The following CSMD1 variants were observed in gnomAD, a reference collection of about 807,000 sequenced individuals.
CSMD1 encodes CUB and Sushi multiple domains 1.
CSMD1 carries 213 observed loss-of-function variants against 417.5 expected under a neutral mutation model. The observed-to-expected ratio is 0.51, with a 90% CI of 0.46 to 0.57. The LOEUF (loss-of-function observed/expected upper bound fraction) is 0.57, where lower values mean the gene tolerates loss of function less well. Ranked by LOEUF, CSMD1 falls within the 20% of genes least tolerant of loss-of-function variation. CSMD1 has a pLI of 0.00. For missense variants in CSMD1, 6,923 were observed against 4,529.7 expected (o/e 1.53, Z -15.17); for synonymous variants, 2,862 against 1,736.8 (o/e 1.65, Z -16.11).
chr8:4,462,355 A>G (rs1416830154), intron 2 of CSMD1, among the ~76,000 whole-genome samples: 2 of 152,218 alleles, frequency 1.3e-5, no homozygotes, highest in Non-Finnish European at 2.9e-5. Flanking sequence ...AGACCTAAAT[A>G]AATGGAAAAA....
chr8:4,080,727 G>A (rs770043111), intron 3 of CSMD1, among the ~76,000 whole-genome samples: 3 of 152,132 alleles, frequency 2.0e-5, no homozygotes, highest in Non-Finnish European at 4.4e-5. Context: ...TGCCATAGGA[G>A]AGAAAAATAA....
At chr8:3,809,734 G>A (rs1332343944) in intron 5 of CSMD1, among the ~76,000 whole-genome samples, 1 of 152,148 alleles carries the variant, frequency 6.6e-6, no homozygotes. Flanking sequence ...TTCAAGGAAG[G>A]TTTTCCTAAG....
intron 7 of CSMD1, among the ~76,000 whole-genome samples, chr8:3,631,423 T>C (rs537840077): frequency 6.6e-6 from 1 of 152,288 alleles, no homozygotes; most frequent in East Asian, 1.9e-4. Context: ...TGGCTGAGCC[T>C]GGAGCGTTGT....
At chr8:4,413,610 A>G (rs1178396219) in intron 3 of CSMD1, among the ~76,000 whole-genome samples, 1 of 152,146 alleles carries the variant, frequency 6.6e-6, no homozygotes, top group East Asian at 1.9e-4. Flanking sequence ...TACCCTTATA[A>G]CGAATATTCA....
At chr8:4,180,811 C>G (rs903308784) in intron 3 of CSMD1, among the ~76,000 whole-genome samples, 1 of 152,012 alleles carries the variant, frequency 6.6e-6, no homozygotes, top group Middle Eastern at 3.2e-3. Context: ...CAAGAGTTCA[C>G]AAATCCAACC....
intron 2 of CSMD1, among the ~76,000 whole-genome samples, chr8:4,584,301 G>A: frequency 6.6e-6 from 1 of 151,898 alleles, no homozygotes; most frequent in East Asian, 1.9e-4. Flanking sequence ...TCGCCGAGTG[G>A]TGAGACCGTC....
At chr8:3,701,536 T>C (rs1800869337) in intron 7 of CSMD1, among the ~76,000 whole-genome samples, 6 of 151,530 alleles carry the variant, frequency 4.0e-5, no homozygotes, top group Admixed American at 3.9e-4. Context: ...CATATTGGAA[T>C]TTAACGATTA....
intron 3 of CSMD1, among the ~76,000 whole-genome samples, chr8:4,287,473 C>T (rs1312782697): frequency 6.6e-6 from 1 of 152,010 alleles, no homozygotes; most frequent in Non-Finnish European, 1.5e-5. Flanking sequence ...ATGACAAGCC[C>T]AGGAAACTTA....
chr8:4,877,122 T>C (rs1220626349), intron 1 of CSMD1, among the ~76,000 whole-genome samples: 1 of 152,066 alleles, frequency 6.6e-6, no homozygotes, highest in Non-Finnish European at 1.5e-5. Context: ...TTTAAGTTTT[T>C]CTTTTTATCA....
chr8:3,666,428 C>T (rs188382237), intron 7 of CSMD1, among the ~76,000 whole-genome samples: 2 of 152,206 alleles, frequency 1.3e-5, no homozygotes, highest in East Asian at 3.9e-4. Context: ...TGTATACTTG[C>T]TAAAATAATT....
intron 10 of CSMD1, among the ~76,000 whole-genome samples, chr8:3,521,190 C>T (rs937318532): frequency 3.3e-5 from 5 of 152,032 alleles, no homozygotes; most frequent in Non-Finnish European, 5.9e-5. Flanking sequence ...CTATTTTTTT[C>T]ACACCCACCA....
At chr8:4,115,087 G>T (rs533336377) in intron 3 of CSMD1, among the ~76,000 whole-genome samples, 1 of 152,164 alleles carries the variant, frequency 6.6e-6, no homozygotes, top group African/African-American at 2.4e-5. Flanking sequence ...CTGTCAAACG[G>T]AATTGAAACC....
rs1391256619 is a variant in CSMD1 at position 3,406,075 on chromosome 8, G to C, written c.2218C>G (p.Leu740Val). 5 of 1,613,986 alleles carry C rather than the reference G, an allele frequency of 3.1e-6. No individual in the cohort carries two copies. The highest frequency in any genetic ancestry group is 4.2e-6 in the Non-Finnish European group (5 of 1,179,884). ...CTCCAGACCACGTTCCCGTCTTGCA[G>C]TATGCAGGTAATGGACTCGGATCCC... ...TQGSESITCI[L>V]QDGNVVWSST... is the part of the protein sequence containing the mutation. The change falls in exon 15 of 70, where the codon CTG becomes GTG. Residue 740 changes from leucine (L) to valine (V), a missense_variant. Physicochemically the swap from Leu to Val is conservative, Grantham distance 32. Coordinates refer to ENST00000635120, the MANE Select transcript of CSMD1 (RefSeq NM_033225.6).
intron 5 of CSMD1, among the ~76,000 whole-genome samples, chr8:3,991,598 C>G (rs1814757034): frequency 6.6e-6 from 1 of 152,156 alleles, no homozygotes; most frequent in South Asian, 2.1e-4. Flanking sequence ...ATGACTCCAC[C>G]ACACAGTAAC....
At chr8:3,300,278 T>C (rs1358032926) in intron 25 of CSMD1, among the ~76,000 whole-genome samples, 3 of 152,144 alleles carry the variant, frequency 2.0e-5, no homozygotes, top group African/African-American at 4.8e-5. Flanking sequence ...TGTATTTGCA[T>C]AGAAAAAATT....
chr8:4,188,752 G>A (rs1321963226), intron 3 of CSMD1, among the ~76,000 whole-genome samples: 2 of 151,480 alleles, frequency 1.3e-5, no homozygotes. Context: ...AGAAAAGAAA[G>A]ATACACAGAT....
chr8:3,290,239 G>A (rs910499436), intron 25 of CSMD1, among the ~76,000 whole-genome samples: 27 of 144,046 alleles, frequency 1.9e-4, no homozygotes, highest in African/African-American at 4.8e-4. Context: ...GCCTTGTAGT[G>A]TAGTATGAAG....
chr8:4,906,148 C>T (rs1315562184), intron 1 of CSMD1, among the ~76,000 whole-genome samples: 1 of 152,180 alleles, frequency 6.6e-6, no homozygotes, highest in Non-Finnish European at 1.5e-5. Context: ...CTGCACTCTT[C>T]GCTTCAAAGG....
chr8:3,679,573 C>A (rs1162249215), intron 7 of CSMD1, among the ~76,000 whole-genome samples: 1 of 152,100 alleles, frequency 6.6e-6, no homozygotes, highest in Non-Finnish European at 1.5e-5. Context: ...TAGACTCCCA[C>A]ACAATAATAA....
Sources: allele counts gnomAD v4.1 joint callset (sites outside exome capture counted in the v4.1 genomes callset), GRCh38; gene constraint gnomAD v4.1.1; transcripts MANE v1.5; gene names NCBI Gene and HGNC (gene_info 2026-07-23, HGNC 2026-07-21).